Variants in CCDC171 observed in about 807,000 individuals in gnomAD.
The protein encoded by CCDC171 is coiled-coil domain-containing protein 171.
In CCDC171, 177 loss-of-function variants were observed where a neutral mutation model predicts 168.2. The observed-to-expected ratio is 1.05, with a 90% CI of 0.93 to 1.19. The LOEUF (loss-of-function observed/expected upper bound fraction) is 1.19, where lower values mean the gene tolerates loss of function less well. Among genes scored for constraint, CCDC171 ranks in the 50% most tolerant of loss-of-function variants. The pLI is 0.00. For synonymous variants in CCDC171, 687 were observed against 540.8 expected (o/e 1.27, Z -3.75); for missense variants, 1,991 against 1,539.0 (o/e 1.29, Z -4.91).
rs559840064 is a variant in CCDC171, at chr9:15,911,447, C to T, written c.3601-8823C>T. 1.8e-3 allele frequency among the ~76,000 whole-genome samples: 275 copies of T among 152,260 alleles called. 2 individuals are homozygous for T. The highest frequency in any genetic ancestry group is 6.3e-3 in the African/African-American group (263 of 41,554). ...GTCCCTTGTAGATTCTGGATATTAG[C>T]CCTTTGTCAGATGGATAGATTGCAG... On this transcript the variant is annotated intron_variant, in intron 24 of 25. Coordinates refer to ENST00000380701, the MANE Select transcript of CCDC171 (RefSeq NM_173550.4).
intron 24 of CCDC171, among the ~76,000 whole-genome samples, chr9:15,909,407 CA>C (rs1823275855): frequency 6.6e-6 from 1 of 150,508 alleles, no homozygotes; most frequent in Non-Finnish European, 1.5e-5. Flanking sequence ...TGCGTACACA[CA>C]CACACACACA....
chr9:15,777,695 A>G lies in CCDC171; in HGVS notation c.2767A>G (p.Ile923Val). ...MDKISLVMEC[I>V]PLHSSRSITY... is the part of the protein sequence containing the mutation. ...TAAAATTAGTCTGGTAATGGAATGTATACCTCTGCACAGTAGCAGGAGTAT... is the reference window on the plus strand; with the variant it reads ...TAAAATTAGTCTGGTAATGGAATGTGTACCTCTGCACAGTAGCAGGAGTAT... Residue 923 changes from isoleucine (I) to valine (V), a missense_variant, in exon 19 of 26, where the codon ATA becomes GTA. Physicochemically the swap from Ile to Val is conservative, Grantham distance 29. Transcript: ENST00000380701. The G allele has an allele frequency of 1.2e-6, 2 of 1,614,028 alleles. No individual in the cohort carries two copies. The highest frequency in any genetic ancestry group is 1.7e-6 in the Non-Finnish European group (2 of 1,179,922).
Position 15,638,011 on chromosome 9 carries a change from T to C in CCDC171, c.822+14598T>C, listed in dbSNP as rs183614048. 1.1e-4 allele frequency among the ~76,000 whole-genome samples: 17 copies of C among 152,320 alleles called. 1 individual carries two copies. Among genetic ancestry groups the C allele is most frequent in the African/African-American group, 3.8e-4 (16 of 41,570 alleles). ...GTAATGGGATGGCTGGGTCAAATGG[T>C]ATTTCTAGTTCTAGATCCCTGAGGA... On this transcript the variant is annotated intron_variant, in intron 7 of 25. Transcript: ENST00000380701.
At chr9:15,810,037 A>G (rs2059269514) in intron 21 of CCDC171, among the ~76,000 whole-genome samples, 1 of 152,122 alleles carries the variant, frequency 6.6e-6, no homozygotes, top group African/African-American at 2.4e-5. Context: ...CCACTAGATG[A>G]GCTAGACACA....
At chr9:16,107,333 C>T in the CCDC171 span, among the ~76,000 whole-genome samples, 1 of 152,076 alleles carries the variant, frequency 6.6e-6, no homozygotes, top group Non-Finnish European at 1.5e-5. Flanking sequence ...AATTCGAATA[C>T]CCAAATATAC....
chr9:16,079,279 C>T, the CCDC171 span, among the ~76,000 whole-genome samples: 1 of 152,186 alleles, frequency 6.6e-6, no homozygotes, highest in African/African-American at 2.4e-5. Flanking sequence ...CCATCCCCAG[C>T]TCCAATTCGT....
At position 15,588,900 on chromosome 9, in the gene CCDC171, T is replaced by TG. The variant is rs539870080; in HGVS notation, c.353-2462dup. 5.3e-5 allele frequency among the ~76,000 whole-genome samples: 8 copies of TG among 151,916 alleles called. No individual in the cohort carries two copies. In the South Asian group the frequency reaches 1.2e-3, roughly 24 times the overall value. ...TTTTTTGTATTTGTTTTGGTAGAGA[T>TG]GGGGTTTCACCGTGTTAGCCAGGAT... On this transcript the variant is annotated intron_variant, in intron 4 of 25. Transcript: ENST00000380701.
At chr9:16,045,778 T>C (rs1833650927) in intron 1 of CCDC171, among the ~76,000 whole-genome samples, 1 of 152,110 alleles carries the variant, frequency 6.6e-6, no homozygotes, top group Admixed American at 6.5e-5. Context: ...AATGAAAATA[T>C]TTGTTTTTGG....
intron 25 of CCDC171, among the ~76,000 whole-genome samples, chr9:15,923,767 A>G (rs890299151): frequency 6.6e-6 from 1 of 151,450 alleles, no homozygotes; most frequent in Non-Finnish European, 1.5e-5. Context: ...ATGCAATTTC[A>G]TCTTGCAATT....
chr9:15,931,105 A>G (rs1826452392), intron 25 of CCDC171, among the ~76,000 whole-genome samples: 1 of 151,808 alleles, frequency 6.6e-6, no homozygotes, highest in Non-Finnish European at 1.5e-5. Context: ...TATACCCAGT[A>G]GTGGTATTTC....
chr9:15,856,870 G>A (rs1041710059), intron 23 of CCDC171, among the ~76,000 whole-genome samples: 1 of 151,840 alleles, frequency 6.6e-6, no homozygotes, highest in Non-Finnish European at 1.5e-5. Flanking sequence ...GCCAATCCTT[G>A]TCTTTTAAAA....
intron 8 of CCDC171, among the ~76,000 whole-genome samples, chr9:15,662,950 C>A (rs2048432165): frequency 6.6e-6 from 1 of 151,976 alleles, no homozygotes; most frequent in African/African-American, 2.4e-5. Flanking sequence ...CACTACACTC[C>A]AGCCTGGGGG....
At chr9:15,784,402 C>G in intron 20 of CCDC171, 107 bp from the exon 21 acceptor site, 1 of 575,580 alleles carries the variant, frequency 1.7e-6, no homozygotes, top group Non-Finnish European at 2.8e-6. Context: ...TTTAATGTAT[C>G]AAGTGCCTAG....
intron 24 of CCDC171, among the ~76,000 whole-genome samples, chr9:15,892,471 T>G (rs770219): frequency 0.75 from 113,954 of 152,090 alleles, 44,731 homozygotes; most frequent in Non-Finnish European, 0.86. Context: ...ATGTGTTTTT[T>G]TTCTTTAGTT....
intron 10 of CCDC171, among the ~76,000 whole-genome samples, chr9:15,681,721 T>G (rs1392429373): frequency 6.6e-6 from 1 of 152,116 alleles, no homozygotes; most frequent in East Asian, 1.9e-4. Flanking sequence ...AAGATGTTTC[T>G]CCCAAATTAA....
At chr9:15,669,080 G>T (rs1294141530) in intron 9 of CCDC171, among the ~76,000 whole-genome samples, 1 of 152,040 alleles carries the variant, frequency 6.6e-6, no homozygotes. Context: ...TCTGTTTCTT[G>T]CCAGGCAGAC....
chr9:15,898,536 T>A (rs1242031593), intron 24 of CCDC171, among the ~76,000 whole-genome samples: 2 of 152,174 alleles, frequency 1.3e-5, no homozygotes, highest in Non-Finnish European at 2.9e-5. Context: ...GACTGGTTGG[T>A]CTAGTCCATG....
chr9:15,560,007 A>G (rs2039146159), intron 1 of CCDC171, among the ~76,000 whole-genome samples: 1 of 152,126 alleles, frequency 6.6e-6, no homozygotes, highest in South Asian at 2.1e-4. Flanking sequence ...GTTTGGCTGG[A>G]TATGAAATTC....
At chr9:15,971,206 A>G (rs1001353286) in intron 25 of CCDC171, among the ~76,000 whole-genome samples, 1 of 152,184 alleles carries the variant, frequency 6.6e-6, no homozygotes, top group African/African-American at 2.4e-5. Context: ...TTTCTAAGTA[A>G]TCTAATCTTC....
Sources: gnomAD v4.1 joint callset for allele counts (sites outside exome capture counted in the v4.1 genomes callset) on GRCh38, gnomAD v4.1.1 for gene constraint, MANE v1.5 for transcripts, NCBI Gene and HGNC (gene_info 2026-07-23, HGNC 2026-07-21) for gene names.